TSHZ2: variants seen among roughly 807,000 people sequenced by gnomAD.
TSHZ2 encodes the protein teashirt homolog 2.
TSHZ2 carries 21 observed loss-of-function variants against 74.4 expected under a neutral mutation model. That is an observed-to-expected ratio of 0.28 (90% CI 0.20 to 0.41). TSHZ2 has a LOEUF of 0.41. Ranked by LOEUF, TSHZ2 falls within the 10% of genes least tolerant of loss-of-function variation. The probability of loss-of-function intolerance (pLI) is 1.00; values close to 1 mark genes in which losing one functional copy is unlikely to be tolerated. For missense variants in TSHZ2, 1,244 were observed against 1,293.5 expected (o/e 0.96, Z 0.59); for synonymous variants, 540 against 515.3 (o/e 1.05, Z -0.65).
At chr20:53,415,423 C>T (rs1224867946) in intron 2 of TSHZ2, among the ~76,000 whole-genome samples, 1 of 152,068 alleles carries the variant, frequency 6.6e-6, no homozygotes, top group African/African-American at 2.4e-5. Flanking sequence ...CCCTCATTGC[C>T]CCCTACAGTC....
At chr20:53,120,113 C>T (rs1986769648) in intron 1 of TSHZ2, among the ~76,000 whole-genome samples, 1 of 152,208 alleles carries the variant, frequency 6.6e-6, no homozygotes, top group South Asian at 2.1e-4. Flanking sequence ...ACACTGTTTC[C>T]ATCCACCACG....
intron 1 of TSHZ2, among the ~76,000 whole-genome samples, chr20:53,073,610 G>A (rs1269368917): frequency 6.6e-6 from 1 of 152,164 alleles, no homozygotes. Flanking sequence ...CAGTAAGTAT[G>A]AGTCATTTTA....
At chr20:53,092,439 G>C (rs1396910238) in intron 1 of TSHZ2, among the ~76,000 whole-genome samples, 1 of 152,150 alleles carries the variant, frequency 6.6e-6, no homozygotes, top group Non-Finnish European at 1.5e-5. Flanking sequence ...GTTTGACAAA[G>C]AAGCTGTGTG....
chr20:53,274,085 C>T (rs1196192146), intron 2 of TSHZ2, among the ~76,000 whole-genome samples: 1 of 152,130 alleles, frequency 6.6e-6, no homozygotes. Context: ...TCGAGACCAT[C>T]CTGGTGAGAC....
Position 53,252,850 on chromosome 20 carries a change from C to T in TSHZ2, c.41-649C>T, listed in dbSNP as rs6091650. Among the ~76,000 whole-genome samples the T allele has an allele frequency of 9.7e-3, 1,474 of 152,258 alleles. 32 individuals carry two copies. The highest frequency in any genetic ancestry group is 0.034 in the African/African-American group (1,422 of 41,522). ...GATTATTTTCAAGTCATTATATTTG[C>T]TGAGCTTATATAATTTTTCAACTAT... On this transcript the variant is annotated intron_variant, in intron 1 of 2. Transcript: ENST00000371497.
intron 2 of TSHZ2, among the ~76,000 whole-genome samples, chr20:53,275,679 A>G (rs1366958755): frequency 6.6e-6 from 1 of 152,136 alleles, no homozygotes; most frequent in East Asian, 1.9e-4. Flanking sequence ...TATAATTCCA[A>G]CACTTTGGGA....
intron 2 of TSHZ2, among the ~76,000 whole-genome samples, chr20:53,472,505 A>C (rs1459437860): frequency 6.6e-6 from 1 of 151,976 alleles, no homozygotes; most frequent in Non-Finnish European, 1.5e-5. Context: ...GGTTTTATTG[A>C]AGTAGTTGTG....
At chr20:53,365,272 T>A (rs758630298) in intron 2 of TSHZ2, among the ~76,000 whole-genome samples, 7 of 152,222 alleles carry the variant, frequency 4.6e-5, no homozygotes, top group Non-Finnish European at 7.3e-5. Context: ...AAGTGGCCAA[T>A]TGGCTTCTAG....
At chr20:53,187,270 C>T (rs565590101) in intron 1 of TSHZ2, among the ~76,000 whole-genome samples, 4 of 152,230 alleles carry the variant, frequency 2.6e-5, no homozygotes, top group South Asian at 2.1e-4. Context: ...TTCCTTCTGT[C>T]GATACGTTCA....
intron 2 of TSHZ2, among the ~76,000 whole-genome samples, chr20:53,265,628 C>A (rs962426751): frequency 2.0e-5 from 3 of 152,222 alleles, no homozygotes; most frequent in African/African-American, 7.2e-5. Context: ...GGAAGCCCCA[C>A]GCCTTGATTA....
chr20:53,351,715 C>T lies in TSHZ2; in HGVS notation c.*8+95144C>T, dbSNP rs568275932. 7.2e-5 allele frequency among the ~76,000 whole-genome samples: 11 copies of T among 152,260 alleles called. No individual in the cohort carries two copies. The East Asian group carries it at 2.1e-3, about 29-fold the overall frequency. On this transcript the variant is annotated intron_variant, in intron 2 of 2. Coordinates refer to ENST00000371497, the MANE Select transcript of TSHZ2 (RefSeq NM_173485.6). ...GTTCACTTTAAAATACAGAGATGAC[C>T]ATATCACACGAGTCTCATCCAAACA...
In TSHZ2 at chr20:53,396,081, G is replaced by A. The variant is rs559566933; in HGVS notation, c.*9-91063G>A. ...CTCCCGAGTAGCTGGGAATACAGGCGCCTGCCACCACGCCTGGCTAATTTT... is the reference window on the plus strand; with the variant it reads ...CTCCCGAGTAGCTGGGAATACAGGCACCTGCCACCACGCCTGGCTAATTTT... On this transcript the variant is annotated intron_variant, in intron 2 of 2. Coordinates refer to ENST00000371497, the MANE Select transcript of TSHZ2 (RefSeq NM_173485.6). 2.7e-3 allele frequency among the ~76,000 whole-genome samples: 413 copies of A among 152,156 alleles called. 2 individuals are homozygous for A. Among genetic ancestry groups the A allele is most frequent in the African/African-American group, 6.4e-3 (267 of 41,526 alleles).
chr20:53,124,705 T>C (rs1986899932), intron 1 of TSHZ2, among the ~76,000 whole-genome samples: 1 of 152,258 alleles, frequency 6.6e-6, no homozygotes, highest in Non-Finnish European at 1.5e-5. Flanking sequence ...CTTTGCATTT[T>C]ATCTTCACAA....
intron 1 of TSHZ2, among the ~76,000 whole-genome samples, chr20:53,200,048 C>T (rs965843086): frequency 1.3e-5 from 2 of 152,152 alleles, no homozygotes; most frequent in African/African-American, 4.8e-5. Context: ...GAGCTCAATC[C>T]TGGGAGGAAC....
intron 2 of TSHZ2, among the ~76,000 whole-genome samples, chr20:53,480,019 C>T (rs1351727588): frequency 6.6e-6 from 1 of 151,736 alleles, no homozygotes. Flanking sequence ...GGGAGGATCA[C>T]TCGAGCCCAG....
intron 1 of TSHZ2, among the ~76,000 whole-genome samples, chr20:53,011,188 T>C (rs1211739057): frequency 2.0e-5 from 3 of 152,178 alleles, no homozygotes; most frequent in South Asian, 2.1e-4. Flanking sequence ...TTGTTTGCTG[T>C]GTTTTAAGTT....
chr20:53,298,563 G>A (rs1991424660), intron 2 of TSHZ2, among the ~76,000 whole-genome samples: 1 of 152,196 alleles, frequency 6.6e-6, no homozygotes, highest in Non-Finnish European at 1.5e-5. Flanking sequence ...GCTTGTTTGG[G>A]AAACAGCAAG....
intron 2 of TSHZ2, among the ~76,000 whole-genome samples, chr20:53,307,830 T>G (rs1235840585): frequency 6.6e-6 from 1 of 151,432 alleles, no homozygotes; most frequent in Non-Finnish European, 1.5e-5. Flanking sequence ...TCTGGGCGGC[T>G]CTAAACCAGT....
intron 1 of TSHZ2, among the ~76,000 whole-genome samples, chr20:53,238,419 G>T (rs1301166911): frequency 6.6e-6 from 1 of 152,036 alleles, no homozygotes; most frequent in African/African-American, 2.4e-5. Context: ...TTGTGAAATG[G>T]ACCTACTCCA....
Sources: allele counts gnomAD v4.1 joint callset (sites outside exome capture counted in the v4.1 genomes callset), GRCh38; gene constraint gnomAD v4.1.1; transcripts MANE v1.5; gene names NCBI Gene and HGNC (gene_info 2026-07-23, HGNC 2026-07-21).